Variants in NEK10 observed in about 807,000 individuals in gnomAD.
The protein encoded by NEK10 is NIMA related kinase 10, also known as serine/threonine-protein kinase Nek10.
A neutral mutation model predicts 159.8 loss-of-function variants in NEK10; 122 were observed. The ratio of observed to expected loss-of-function variants is 0.76; its 90% CI spans 0.66 to 0.89. NEK10 has a LOEUF of 0.89. Ranked by LOEUF, NEK10 falls within the 40% of genes least tolerant of loss-of-function variation. The pLI, the probability that NEK10 is intolerant of heterozygous loss-of-function variation, is 0.00. For missense variants in NEK10, 1,342 were observed against 1,323.1 expected, an observed-to-expected ratio of 1.01 and a Z score of -0.22; for synonymous variants, 466 against 457.1, an observed-to-expected ratio of 1.02 and a Z score of -0.25.
At chr3:27,364,005 A>C (rs1477024585) in intron 1 of NEK10, among the ~76,000 whole-genome samples, 1 of 152,030 alleles carries the variant, frequency 6.6e-6, no homozygotes, top group African/African-American at 2.4e-5. Flanking sequence ...GTCGGGACTA[A>C]ATAAAATAGT....
intron 29 of NEK10, among the ~76,000 whole-genome samples, chr3:27,163,605 G>A (rs1227964092): frequency 3.3e-5 from 5 of 152,024 alleles, no homozygotes; most frequent in Non-Finnish European, 5.9e-5. Context: ...ACCTGCCTCA[G>A]CCTCCTAAAG....
At position 27,202,576 on chromosome 3, in the gene NEK10, A is replaced by G. The variant is rs1950148582; in HGVS notation, c.2091-19T>C. 1 of 1,577,530 alleles carries G rather than the reference A, an allele frequency of 6.3e-7. No individual in the cohort carries two copies. Among genetic ancestry groups the G allele is most frequent in the Non-Finnish European group, 8.6e-7 (1 of 1,157,808 alleles). ...CTCGGGGCTGAAGTAAAATAAGGACATTAATACATGCTAAGGAAGGGAGAA... is the reference window on the plus strand; with the variant it reads ...CTCGGGGCTGAAGTAAAATAAGGACGTTAATACATGCTAAGGAAGGGAGAA... On this transcript the variant is annotated intron_variant, in intron 23 of 35. Coordinates refer to ENST00000691995, the MANE Select transcript of NEK10 (RefSeq NM_001394966.1).
intron 5 of NEK10, among the ~76,000 whole-genome samples, chr3:27,341,379 C>G (rs1327254268): frequency 6.6e-6 from 1 of 152,114 alleles, no homozygotes; most frequent in African/African-American, 2.4e-5. Flanking sequence ...GACAAATCCT[C>G]AAAGTGATGT....
intron 22 of NEK10, among the ~76,000 whole-genome samples, chr3:27,275,201 G>A (rs190136643): frequency 9.9e-5 from 15 of 152,190 alleles, no homozygotes; most frequent in African/African-American, 2.9e-4. Flanking sequence ...TAACTTTGTC[G>A]AATTCCCATT....
intron 28 of NEK10, 76 bp downstream of exon 28, chr3:27,174,363 G>T: frequency 6.3e-7 from 1 of 1,598,840 alleles, no homozygotes; most frequent in South Asian, 1.1e-5. Context: ...GGTGATATTT[G>T]CTTGACTCAA....
chr3:27,175,920 A>T (rs554281094), intron 26 of NEK10, among the ~76,000 whole-genome samples: 1 of 152,206 alleles, frequency 6.6e-6, no homozygotes, highest in African/African-American at 2.4e-5. Flanking sequence ...AAAGGCTCCA[A>T]TGATGCTCAT....
intron 22 of NEK10, among the ~76,000 whole-genome samples, chr3:27,263,137 T>G (rs2040562752): frequency 6.6e-6 from 1 of 152,242 alleles, no homozygotes; most frequent in African/African-American, 2.4e-5. Context: ...CAGCGGATAT[T>G]GGTGAACAGC....
chr3:27,315,164 ATC>A (rs2045055978), intron 6 of NEK10, among the ~76,000 whole-genome samples: 1 of 152,198 alleles, frequency 6.6e-6, no homozygotes, highest in African/African-American at 2.4e-5. Flanking sequence ...CTGTATTGAC[ATC>A]TCTCTCCTTA....
chr3:27,330,605 T>G (rs561197629), intron 5 of NEK10, among the ~76,000 whole-genome samples: 50 of 152,310 alleles, frequency 3.3e-4, no homozygotes, highest in African/African-American at 1.2e-3. Context: ...TCCAAAATTT[T>G]TAAAGCAATC....
Position 27,310,986 on chromosome 3 carries a change from T to A in NEK10, c.599A>T (p.Asp200Val). Residue 200 changes from aspartate (D) to valine (V), a missense_variant, in exon 9 of 36, where the codon GAT becomes GTT. Asp to Val is a radical substitution (Grantham distance 152). Transcript: ENST00000691995. ...ACTTGTGGTGACCCATTCTCTTTGA[T>A]CTTTGACTGCAGCAAGTTTTTGAAA... ...YIFQKLAAVK[D>V]QREWVTTSGA... The A allele has an allele frequency of 1.2e-6, 2 of 1,612,662 alleles. No individual in the cohort carries two copies. Among genetic ancestry groups the A allele is most frequent in the Non-Finnish European group, 1.7e-6 (2 of 1,178,834 alleles).
chr3:27,196,607 T>C (rs982001377), intron 25 of NEK10, among the ~76,000 whole-genome samples: 1 of 152,218 alleles, frequency 6.6e-6, no homozygotes, highest in Admixed American at 6.5e-5. Context: ...ACTAGTATGT[T>C]AACCCCAAGA....
chr3:27,316,314 T>C (rs1176359422), intron 6 of NEK10, among the ~76,000 whole-genome samples: 2 of 152,022 alleles, frequency 1.3e-5, no homozygotes, highest in Non-Finnish European at 2.9e-5. Flanking sequence ...TGAAGCGATA[T>C]GATCAACGGA....
chr3:27,363,562 G>A lies in NEK10; in HGVS notation c.-38+5663C>T, dbSNP rs921000312. The A allele has an allele frequency of 5.3e-5, 8 of 152,250 alleles. No individual in the cohort carries two copies. The South Asian group carries it at 8.3e-4, about 16-fold the overall frequency. The allele number at this position is 152,250 out of a possible 1,614,324, so 9.4% of individuals were successfully genotyped here. A position where few individuals can be genotyped will look rare whatever the true frequency, so the allele number is the denominator to read the frequency against. On this transcript the variant is annotated intron_variant, in intron 1 of 35. Coordinates refer to ENST00000691995, the MANE Select transcript of NEK10 (RefSeq NM_001394966.1). ...GACAACGAAAAAGAACAGCAAATAA[G>A]TTTGCCCCAGCTGACCAGTATCCAG...
In NEK10 at chr3:27,278,049, T is replaced by A. The variant is rs1038645488; in HGVS notation, c.2014+6553A>T. 2.8e-4 allele frequency among the ~76,000 whole-genome samples: 43 copies of A among 152,316 alleles called. 1 individual carries two copies. Among genetic ancestry groups the A allele is most frequent in the Middle Eastern group, 3.4e-3 (1 of 294 alleles). ...TTAGGCTTTGCCTAAATGGAACAAA[T>A]ATGGTCTTTGTCATGTATTCTTCCT... On this transcript the variant is annotated intron_variant, in intron 22 of 35. Transcript: ENST00000691995.
Position 27,301,730 on chromosome 3 carries a change from C to G in NEK10, c.1134G>C (p.Arg378Ser). ...GTGAGAAAGTATTTTCTTGTATTTCCCTAGGGCTCAAGTCTTCTGATAAAT... is the reference window on the plus strand; with the variant it reads ...GTGAGAAAGTATTTTCTTGTATTTCGCTAGGGCTCAAGTCTTCTGATAAAT... ...QLHLSEDLSP[R>S]EIQENTFSLQ... Residue 378 changes from arginine (R) to serine (S), a missense_variant, in exon 13 of 36, where the codon AGG (arginine) becomes AGC (serine). Physicochemically the swap from Arg to Ser is moderately radical, Grantham distance 110. Transcript: ENST00000691995. The G allele has an allele frequency of 6.3e-7, 1 of 1,577,780 alleles. No homozygotes were observed. Among genetic ancestry groups the G allele is most frequent in the South Asian group, 1.2e-5 (1 of 86,294 alleles).
chr3:27,336,829 G>A (rs752043110), intron 5 of NEK10, among the ~76,000 whole-genome samples: 7 of 152,002 alleles, frequency 4.6e-5, no homozygotes, highest in Non-Finnish European at 7.4e-5. Flanking sequence ...AACAAACTAC[G>A]CATAGAAGGA....
chr3:27,331,576 G>A (rs1332677726), intron 5 of NEK10, among the ~76,000 whole-genome samples: 7 of 152,166 alleles, frequency 4.6e-5, no homozygotes, highest in Non-Finnish European at 7.3e-5. Flanking sequence ...CTCCCTCTGC[G>A]ATGGAGTCTG....
rs2048829354 is a variant in NEK10 at position 27,363,454 on chromosome 3, A to G, written c.-38+5771T>C. Among the ~76,000 whole-genome samples the G allele has an allele frequency of 2.0e-5, 3 of 152,262 alleles. No homozygotes were observed. In the South Asian group the frequency reaches 6.2e-4, roughly 31 times the overall value. ...TAATAAATAATTGCTGAATGAATCA[A>G]TCAATGAACAAATCCCAAGTTAAAT... On this transcript the variant is annotated intron_variant, in intron 1 of 35. Coordinates refer to ENST00000691995, the MANE Select transcript of NEK10 (RefSeq NM_001394966.1).
chr3:27,160,119 T>A (rs1879767), intron 30 of NEK10, among the ~76,000 whole-genome samples: 145,402 of 151,838 alleles, frequency 0.96, 69,645 homozygotes, highest in South Asian at 0.98. Context: ...TTATTTTTTT[T>A]AAAAAAATAA....
Sources: gnomAD v4.1 joint callset for allele counts (sites outside exome capture counted in the v4.1 genomes callset) on GRCh38, gnomAD v4.1.1 for gene constraint, MANE v1.5 for transcripts, NCBI Gene and HGNC (gene_info 2026-07-23, HGNC 2026-07-21) for gene names.